The following KCNN2 variants were observed in gnomAD, a reference collection of about 807,000 sequenced individuals.
KCNN2 encodes small conductance calcium-activated potassium channel protein 2.
KCNN2 carries 24 observed loss-of-function variants against 55.5 expected under a neutral mutation model. The ratio of observed to expected loss-of-function variants is 0.43; its 90% CI spans 0.31 to 0.61. The LOEUF (loss-of-function observed/expected upper bound fraction) is 0.61, where lower values mean the gene tolerates loss of function less well. Ranked by LOEUF, KCNN2 falls within the 20% of genes least tolerant of loss-of-function variation. The probability of loss-of-function intolerance (pLI) is 0.08; values close to 1 mark genes in which losing one functional copy is unlikely to be tolerated. For missense variants in KCNN2, 754 were observed against 853.6 expected (o/e 0.88, Z 1.45); for synonymous variants, 431 against 336.1 (o/e 1.28, Z -3.09).
intron 1 of KCNN2, among the ~76,000 whole-genome samples, chr5:114,089,401 C>T (rs1269555823): frequency 6.6e-6 from 1 of 152,090 alleles, no homozygotes; most frequent in Admixed American, 6.6e-5. Flanking sequence ...ATCTGGCTCA[C>T]CAGCACTGGA....
chr5:114,092,215 AG>A (rs1751159671), intron 1 of KCNN2, among the ~76,000 whole-genome samples: 1 of 152,212 alleles, frequency 6.6e-6, no homozygotes, highest in Non-Finnish European at 1.5e-5. Context: ...GCCTTAACAA[AG>A]GGGCTACAGG....
chr5:114,151,648 AT>A (rs1046307700), intron 1 of KCNN2, among the ~76,000 whole-genome samples: 3 of 152,032 alleles, frequency 2.0e-5, no homozygotes, highest in Admixed American at 1.3e-4. Flanking sequence ...AAGGTTAGTG[AT>A]TTTTTTTAAA....
At chr5:114,328,016 G>T (rs1181660752) in intron 2 of KCNN2, among the ~76,000 whole-genome samples, 1 of 152,268 alleles carries the variant, frequency 6.6e-6, no homozygotes, top group East Asian at 1.9e-4. Context: ...TATAGAGGTC[G>T]ATCCTGAGGG....
chr5:114,318,992 ACT>A (rs35171693), intron 2 of KCNN2, among the ~76,000 whole-genome samples: 80,448 of 151,636 alleles, frequency 0.53, 22,120 homozygotes, highest in East Asian at 0.9. Flanking sequence ...CAGCCATGCC[ACT>A]CTGCGATTTT....
In KCNN2 at chr5:114,353,257, T is replaced by G. The variant is rs564475430; in HGVS notation, c.-184-7688T>G. On this transcript the variant is annotated intron_variant, in intron 2 of 10. Coordinates refer to the KCNN2 transcript ENST00000512097. ...TGGTATAACAGACAGTAGATATGTA[T>G]TTATAGAACTTGTTATACTAACCTA... is the stretch of plus-strand genomic sequence containing the variant. Among the ~76,000 whole-genome samples, 11 of 151,934 alleles carry G rather than the reference T, an allele frequency of 7.2e-5. No homozygotes were observed. In the South Asian group the frequency reaches 2.3e-3, roughly 31 times the overall value.
At chr5:114,183,593 T>C (rs2112555667) in intron 1 of KCNN2, among the ~76,000 whole-genome samples, 1 of 152,256 alleles carries the variant, frequency 6.6e-6, no homozygotes, top group Non-Finnish European at 1.5e-5. Flanking sequence ...TTGAAGAATC[T>C]GTCCATTTCA....
At chr5:114,231,367 T>C (rs1754354507) in intron 2 of KCNN2, among the ~76,000 whole-genome samples, 1 of 129,344 alleles carries the variant, frequency 7.7e-6, no homozygotes, top group African/African-American at 3.2e-5. Flanking sequence ...CCCATGCCTA[T>C]GTCCTGAATG....
At chr5:114,374,327 A>T (rs994387454) in intron 2 of KCNN2, among the ~76,000 whole-genome samples, 2 of 152,188 alleles carry the variant, frequency 1.3e-5, no homozygotes, top group Non-Finnish European at 2.9e-5. Context: ...TGCTGAAAGG[A>T]TAAGAGGTAG....
At chr5:114,300,169 G>A (rs1756124050) in intron 2 of KCNN2, among the ~76,000 whole-genome samples, 1 of 151,880 alleles carries the variant, frequency 6.6e-6, no homozygotes, top group Admixed American at 6.6e-5. Flanking sequence ...TCAGGTTTTG[G>A]CTCTTGGTTT....
At chr5:114,092,407 G>T (rs549859973) in intron 1 of KCNN2, among the ~76,000 whole-genome samples, 60 of 152,260 alleles carry the variant, frequency 3.9e-4, no homozygotes, top group African/African-American at 1.4e-3. Context: ...CTGCTTTCAC[G>T]GCCAGGCTGT....
intron 1 of KCNN2, among the ~76,000 whole-genome samples, chr5:114,197,158 A>C (rs1184543069): frequency 3.9e-5 from 6 of 152,110 alleles, no homozygotes; most frequent in African/African-American, 1.4e-4. Context: ...TTCAGTCGTT[A>C]ATACCTAATT....
intron 2 of KCNN2, among the ~76,000 whole-genome samples, chr5:114,332,974 G>T (rs1342651887): frequency 6.6e-6 from 1 of 151,998 alleles, no homozygotes; most frequent in African/African-American, 2.4e-5. Flanking sequence ...TTCCTGCCTG[G>T]ATTTATACAA....
At chr5:114,270,030 G>T (rs1755294448) in intron 2 of KCNN2, among the ~76,000 whole-genome samples, 1 of 152,174 alleles carries the variant, frequency 6.6e-6, no homozygotes, top group Non-Finnish European at 1.5e-5. Flanking sequence ...GCATTTAAAT[G>T]GCACTTCCTT....
chr5:114,222,963 C>T (rs947595964), intron 2 of KCNN2, among the ~76,000 whole-genome samples: 2 of 152,148 alleles, frequency 1.3e-5, no homozygotes, highest in African/African-American at 4.8e-5. Flanking sequence ...CAGATGAATG[C>T]CATCTCTCAT....
intron 2 of KCNN2, among the ~76,000 whole-genome samples, chr5:114,247,404 A>G (rs1281911217): frequency 6.6e-6 from 1 of 152,102 alleles, no homozygotes; most frequent in Non-Finnish European, 1.5e-5. Flanking sequence ...TCAACAATGC[A>G]TTATTAAATT....
intron 2 of KCNN2, among the ~76,000 whole-genome samples, chr5:114,322,935 T>C (rs867964532): frequency 6.6e-6 from 1 of 152,166 alleles, no homozygotes; most frequent in Non-Finnish European, 1.5e-5. Flanking sequence ...CCAATAGTTA[T>C]CTTTTCTGCT....
chr5:114,213,872 G>T (rs1282894430), intron 1 of KCNN2, among the ~76,000 whole-genome samples: 1 of 152,032 alleles, frequency 6.6e-6, no homozygotes, highest in Non-Finnish European at 1.5e-5. Context: ...CAAAGCTCTT[G>T]TTCTCTGTAC....
intron 2 of KCNN2, among the ~76,000 whole-genome samples, chr5:114,318,336 C>G (rs1300206662): frequency 2.6e-5 from 4 of 152,040 alleles, no homozygotes; most frequent in African/African-American, 9.7e-5. Context: ...ATCCTTATTA[C>G]CACTCATTGT....
chr5:114,466,811 A>G (rs1004692841), intron 4 of KCNN2, among the ~76,000 whole-genome samples: 2 of 152,272 alleles, frequency 1.3e-5, no homozygotes, highest in South Asian at 2.1e-4. Context: ...GACTTTGACA[A>G]CATCTAGCAT....
Sources: allele counts gnomAD v4.1 joint callset (sites outside exome capture counted in the v4.1 genomes callset), GRCh38; gene constraint gnomAD v4.1.1; transcripts MANE v1.5; gene names NCBI Gene and HGNC (gene_info 2026-07-23, HGNC 2026-07-21).